Variants in SEZ6 observed in about 807,000 individuals in gnomAD.
The protein encoded by SEZ6 is seizure related 6 homolog, also known as seizure protein 6 homolog.
SEZ6 carries 53 observed loss-of-function variants against 101.0 expected under a neutral mutation model. That is an observed-to-expected ratio of 0.52 (90% CI 0.42 to 0.66). The LOEUF is 0.66. Among genes scored for constraint, SEZ6 ranks in the 30% least tolerant of loss-of-function variants. The pLI, the probability that SEZ6 is intolerant of heterozygous loss-of-function variation, is 0.00. For missense variants in SEZ6, 1,102 were observed against 1,289.4 expected (o/e 0.85, Z 2.23); for synonymous variants, 488 against 512.2 (o/e 0.95, Z 0.64).
intron 3 of SEZ6, among the ~76,000 whole-genome samples, chr17:28,978,118 C>T (rs1003828852): frequency 6.6e-6 from 1 of 152,190 alleles, no homozygotes; most frequent in Non-Finnish European, 1.5e-5. Flanking sequence ...CGGCTTCAGT[C>T]CCCAATCCAG....
At position 28,959,281 on chromosome 17, in the gene SEZ6, G is replaced by C. The variant is rs1261884026; in HGVS notation, c.1910+53C>G. ...GGGGGCCCGAGGATGGGCTGGACAA[G>C]GGATATCCCCAGACCTCAGGAGTTG... On this transcript the variant is annotated intron_variant, in intron 9 of 16. Transcript: ENST00000317338. This position sits in a 1 kb window ranked among gnomAD's most constrained non-coding sequence, Gnocchi z 4.4. 6.2e-7 allele frequency: 1 copy of C among 1,613,510 alleles called. No homozygotes were observed. The highest frequency in any genetic ancestry group is 1.3e-5 in the African/African-American group (1 of 74,904).
At chr17:28,972,756 T>C (rs2041171106) in intron 3 of SEZ6, among the ~76,000 whole-genome samples, 1 of 152,172 alleles carries the variant, frequency 6.6e-6, no homozygotes, top group Non-Finnish European at 1.5e-5. Context: ...TATCGAGAGA[T>C]GCCAGGCAGC....
Position 28,960,636 on chromosome 17 carries a change from G to C in SEZ6, c.1445C>G (p.Pro482Arg). ...IIRNGDNVEAPPVYDSYEVEY... is the reference protein window; with the variant it reads ...IIRNGDNVEARPVYDSYEVEY... ...CACCTCATAGGAATCATACACTGGTGGGGCCTCCACGTTGTCCCCATTGCG... is the reference window on the plus strand; with the variant it reads ...CACCTCATAGGAATCATACACTGGTCGGGCCTCCACGTTGTCCCCATTGCG... The change falls in exon 7 of 17, where the codon CCA (proline) becomes CGA (arginine). Residue 482 changes from proline (P) to arginine (R), a missense_variant. Around this residue, in one of 3 missense-constraint regions of SEZ6, gnomAD observed 556 missense variants for 735.1 expected, o/e 0.76. Coordinates refer to ENST00000317338, the MANE Select transcript of SEZ6 (RefSeq NM_178860.5). The C allele has an allele frequency of 6.3e-7, 1 of 1,597,518 alleles. No homozygotes were observed. Among genetic ancestry groups the C allele is most frequent in the Non-Finnish European group, 8.5e-7 (1 of 1,172,124 alleles).
Position 28,969,879 on chromosome 17 carries a change from AG to A in SEZ6, c.931del (p.Leu311TrpfsTer22). 6.5e-7 allele frequency: 1 copy of A among 1,541,756 alleles called. No homozygotes were observed. Among genetic ancestry groups the A allele is most frequent in the Non-Finnish European group, 8.7e-7 (1 of 1,152,976 alleles). ...EGLGGPDPLP[L>X]ANQSFLLRGQ... ...CCGCAGCAGGAAAGACTGGTTGGCC[AG>A]GGGCAGTGGGTCAGGCCCCCCCAGG... On this transcript the variant is annotated frameshift_variant, in exon 4 of 17. Coordinates refer to ENST00000317338, the MANE Select transcript of SEZ6 (RefSeq NM_178860.5). LOFTEE classifies it high-confidence loss of function.
chr17:28,967,855 C>T (rs754049366), intron 4 of SEZ6, among the ~76,000 whole-genome samples: 1 of 152,214 alleles, frequency 6.6e-6, no homozygotes, highest in Non-Finnish European at 1.5e-5. Flanking sequence ...TGAGCTTCCT[C>T]CTGTTGCCAT....
chr17:28,958,980 C>T, intron 10 of SEZ6, 45 bp downstream of exon 10: 1 of 1,562,708 alleles, frequency 6.4e-7, no homozygotes, highest in Non-Finnish European at 8.7e-7. Flanking sequence ...TTTGGCTTGC[C>T]ATGGCTTGCT....
chr17:28,992,201 T>G (rs1002812688), intron 1 of SEZ6, among the ~76,000 whole-genome samples: 3 of 152,222 alleles, frequency 2.0e-5, no homozygotes, highest in African/African-American at 7.2e-5. Flanking sequence ...TAGTTTATGC[T>G]TGGCCTATGA....
intron 4 of SEZ6, among the ~76,000 whole-genome samples, chr17:28,965,026 T>A (rs6505099): frequency 0.59 from 87,053 of 148,228 alleles, 26,395 homozygotes; most frequent in African/African-American, 0.78. Flanking sequence ...ATTGCATTCC[T>A]GCTTGGGCAA....
chr17:29,005,704 G>T lies in SEZ6; in HGVS notation c.55+111C>A. The T allele has an allele frequency of 9.2e-7, 1 of 1,085,790 alleles. No individual in the cohort carries two copies. The highest frequency in any genetic ancestry group is 1.2e-6 in the Non-Finnish European group (1 of 829,826). The allele number at this position is 1,085,790 out of a possible 1,614,324, so 67.3% of individuals were successfully genotyped here. A position where few individuals can be genotyped will look rare whatever the true frequency, so the allele number is the denominator to read the frequency against. On this transcript the variant is annotated intron_variant, in intron 1 of 16. Transcript: ENST00000317338. This position sits in a 1 kb window ranked among gnomAD's most constrained non-coding sequence, Gnocchi z 4.8. Reference sequence around the variant, plus strand: ...GGGGGCAGCGCAGCCGGCGGGGCGCGGTGCTTGGACTGGGCAGCCAGATGC... The same window carrying T: ...GGGGGCAGCGCAGCCGGCGGGGCGCTGTGCTTGGACTGGGCAGCCAGATGC...
chr17:28,971,580 C>T (rs985917983), intron 3 of SEZ6, among the ~76,000 whole-genome samples: 1 of 151,562 alleles, frequency 6.6e-6, no homozygotes, highest in East Asian at 1.9e-4. Flanking sequence ...ACAACAAAAG[C>T]GAAACTCCAT....
intron 1 of SEZ6, among the ~76,000 whole-genome samples, chr17:28,993,592 T>C (rs950737201): frequency 6.6e-6 from 1 of 152,136 alleles, no homozygotes; most frequent in African/African-American, 2.4e-5. Context: ...AGTGCAGTGG[T>C]GAAGTTGGGG....
chr17:28,967,362 G>A (rs1217269432), intron 4 of SEZ6, among the ~76,000 whole-genome samples: 2 of 152,198 alleles, frequency 1.3e-5, no homozygotes, highest in African/African-American at 4.8e-5. Context: ...ACACAGCAAG[G>A]AAGTACTAGA....
chr17:28,968,473 G>A (rs2041103304), intron 4 of SEZ6, among the ~76,000 whole-genome samples: 3 of 152,202 alleles, frequency 2.0e-5, no homozygotes, highest in Admixed American at 2.0e-4. Flanking sequence ...AAGAGAGAAG[G>A]TTATCATGGC....
rs941483708 is a variant in SEZ6, at chr17:28,966,262, C to T, written c.1055-2115G>A. Among the ~76,000 whole-genome samples the T allele has an allele frequency of 2.3e-4, 34 of 147,380 alleles. 1 individual carries two copies. The highest frequency in any genetic ancestry group is 4.8e-4 in the Non-Finnish European group (32 of 67,350). On this transcript the variant is annotated intron_variant, in intron 4 of 16. Transcript: ENST00000317338. ...TTGGGAGGCCGAGGCAGGTGGATAA[C>T]AAAATCAGGAGTTCGAGACCAGCTA...
chr17:28,964,004 C>T lies in SEZ6; in HGVS notation c.1198G>A (p.Ala400Thr). ...KGARHLTCLN[A>T]TQPFWDSKEP... ...TTTGAATCCCAGAAGGGCTGGGTGG[C>T]ATTGAGACAGGTGAGATGCCTGGCG... Residue 400 changes from alanine (A) to threonine (T), a missense_variant, in exon 5 of 17, where the codon GCC (alanine) becomes ACC (threonine). Coordinates refer to ENST00000317338, the MANE Select transcript of SEZ6 (RefSeq NM_178860.5). 6.2e-7 allele frequency: 1 copy of T among 1,612,506 alleles called. No individual in the cohort carries two copies. Among genetic ancestry groups the T allele is most frequent in the South Asian group, 1.1e-5 (1 of 90,538 alleles).
chr17:29,006,192 C>T (rs2152695154), upstream of SEZ6: 1 of 219,272 alleles, frequency 4.6e-6, no homozygotes, highest in East Asian at 9.4e-5. Flanking sequence ...CATGTGGGCA[C>T]ACGGCCCCTG....
intron 1 of SEZ6, among the ~76,000 whole-genome samples, chr17:28,991,818 T>C (rs1169386486): frequency 6.6e-6 from 1 of 152,124 alleles, no homozygotes; most frequent in Non-Finnish European, 1.5e-5. Context: ...CCGATGAGGT[T>C]TGCTTCCCAA....
At position 28,969,792 on chromosome 17, in the gene SEZ6, G is replaced by C; in HGVS notation, c.1019C>G (p.Pro340Arg). The change falls in exon 4 of 17, where the codon CCG becomes CGG. Residue 340 changes from proline (P) to arginine (R), a missense_variant. By Grantham distance (103) the Pro-to-Arg change is moderately radical. Around this residue, in one of 3 missense-constraint regions of SEZ6, gnomAD observed 556 missense variants for 735.1 expected, o/e 0.76. Transcript: ENST00000317338. ...GAAATGGAAGGTGCCAGGGCCAGCC[G>C]GTGGCGGGAGGCTCTGGAACCTCAG... ...AALRFQSLPP[P>R]AGPGTFHFHY... 4 of 1,508,450 alleles carry C rather than the reference G, an allele frequency of 2.7e-6. No homozygotes were observed. The highest frequency in any genetic ancestry group is 2.6e-6 in the Non-Finnish European group (3 of 1,138,280). 93.4% of individuals were successfully genotyped at this position (1,508,450 alleles called of 1,614,324 possible).
chr17:29,006,280 T>G, upstream of SEZ6: 2 of 154,986 alleles, frequency 1.3e-5, no homozygotes, highest in African/African-American at 2.4e-5. Context: ...CCTCAATTAA[T>G]AGCTCACTGT....
Sources: gnomAD v4.1 joint callset for allele counts (sites outside exome capture counted in the v4.1 genomes callset) on GRCh38, gnomAD v4.1.1 for gene constraint, gnomAD v4.1.1 regional missense constraint, Gnocchi (gnomAD v3.1) non-coding constraint, MANE v1.5 for transcripts, NCBI Gene and HGNC (gene_info 2026-07-23, HGNC 2026-07-21) for gene names.